The following MAT2A variants were observed in gnomAD, a reference collection of about 807,000 sequenced individuals.
The protein encoded by MAT2A is methionine adenosyltransferase 2A, also known as S-adenosylmethionine synthase isoform type-2.
In MAT2A, 3 loss-of-function variants were observed where a neutral mutation model predicts 43.9. That is an observed-to-expected ratio of 0.07 (90% confidence interval 0.03 to 0.18). The LOEUF (loss-of-function observed/expected upper bound fraction) is 0.18, where lower values mean the gene tolerates loss of function less well. MAT2A is among the 10% of genes least tolerant of loss of function. The probability of loss-of-function intolerance (pLI) is 1.00; values close to 1 mark genes in which losing one functional copy is unlikely to be tolerated. For missense variants in MAT2A, 204 were observed against 489.0 expected (o/e 0.42, Z 5.50); for synonymous variants, 200 against 168.4 (o/e 1.19, Z -1.45).
intron 5 of MAT2A, 44 bp downstream of exon 5, chr2:85,542,016 A>G: frequency 1.2e-6 from 2 of 1,601,930 alleles, no homozygotes; most frequent in South Asian, 2.2e-5. Flanking sequence ...TTATTACATC[A>G]GCACAGAAGA....
rs1691529837 is a variant in MAT2A at position 85,543,436 on chromosome 2, A to G, written c.1086-234A>G. ...TTTTTGACAATTGAAATTTCTCAGA[A>G]TAATGACAAGTTTTCGTATTTGTTG... On this transcript the variant is annotated intron_variant, in intron 8 of 8. Transcript: ENST00000306434. 1.5e-5 allele frequency: 7 copies of G among 456,658 alleles called. No individual in the cohort carries two copies. In the South Asian group the frequency reaches 2.6e-4, roughly 17 times the overall value. 28.3% of individuals were successfully genotyped at this position (456,658 alleles called of 1,614,324 possible).
At chr2:85,539,600 C>T (rs1691407103) in intron 1 of MAT2A, 2 of 427,572 alleles carry the variant, frequency 4.7e-6, no homozygotes, top group Non-Finnish European at 8.3e-6. Context: ...TCCCCCCTCC[C>T]TTTTCATTCG....
chr2:85,543,117 G>A (rs1404056248), intron 8 of MAT2A, 83 bp downstream of exon 8: 24 of 1,421,074 alleles, frequency 1.7e-5, no homozygotes, highest in Admixed American at 2.2e-5. Context: ...GGAGGTGAAG[G>A]TGTGAAGGAA....
At chr2:85,541,610 G>T in intron 3 of MAT2A, 23 bp from the exon 4 acceptor site, 1 of 1,547,570 alleles carries the variant, frequency 6.5e-7, no homozygotes, top group Non-Finnish European at 8.8e-7. Flanking sequence ...ACGTAAACAA[G>T]ATGTTGTGTT....
At chr2:85,542,858 G>C (rs1484290246) in intron 7 of MAT2A, 43 bp from the exon 8 acceptor site, 1 of 1,598,586 alleles carries the variant, frequency 6.3e-7, no homozygotes, top group South Asian at 1.1e-5. Context: ...AAGTATATGG[G>C]TCTTTGCAAT....
At chr2:85,540,324 T>C (rs1691441260) in intron 1 of MAT2A, among the ~76,000 whole-genome samples, 1 of 152,232 alleles carries the variant, frequency 6.6e-6, no homozygotes, top group Non-Finnish European at 1.5e-5. Context: ...CTGGTGGCTT[T>C]AGGGTCTGGT....
chr2:85,542,834 C>A, intron 7 of MAT2A, 67 bp from the exon 8 acceptor site: 1 of 1,570,678 alleles, frequency 6.4e-7, no homozygotes, highest in Non-Finnish European at 8.7e-7. Context: ...TTGTTTTATA[C>A]CAACGTATTA....
At position 85,544,961 on chromosome 2, in the gene MAT2A, C is replaced by T. The variant is rs1459993932; in HGVS notation, c.*1189C>T. On this transcript the variant is annotated 3_prime_UTR_variant, in exon 9 of 9. Coordinates refer to ENST00000306434, the MANE Select transcript of MAT2A (RefSeq NM_005911.6). Reference sequence around the variant, plus strand: ...AGATTTTTTTTTTTTCTCTCAACACCATGATTCCTTTAACAACATGTTTCC... The same window carrying T: ...AGATTTTTTTTTTTTCTCTCAACACTATGATTCCTTTAACAACATGTTTCC... 1 of 152,222 alleles carries T rather than the reference C, an allele frequency of 6.6e-6. No individual in the cohort carries two copies. The highest frequency in any genetic ancestry group is 2.4e-5 in the African/African-American group (1 of 41,294). 9.4% of individuals were successfully genotyped at this position (152,222 alleles called of 1,614,324 possible).
chr2:85,540,307 T>C (rs1691440068), intron 1 of MAT2A, among the ~76,000 whole-genome samples: 1 of 152,188 alleles, frequency 6.6e-6, no homozygotes, highest in South Asian at 2.1e-4. Flanking sequence ...CCGCAGTAGT[T>C]ATCTATCTGG....
At chr2:85,542,841 A>G in intron 7 of MAT2A, 60 bp from the exon 8 acceptor site, 2 of 1,581,482 alleles carry the variant, frequency 1.3e-6, no homozygotes, top group Non-Finnish European at 8.6e-7. Flanking sequence ...ATACCAACGT[A>G]TTATACAAGT....
chr2:85,541,045 AAG>A (rs1476250236), intron 1 of MAT2A, 36 bp from the exon 2 acceptor site: 1 of 1,476,832 alleles, frequency 6.8e-7, no homozygotes, highest in Non-Finnish European at 9.4e-7. Context: ...ACTTTGTTTA[AAG>A]TTAAAGAAAC....
intron 2 of MAT2A, 38 bp downstream of exon 2, chr2:85,541,198 A>C (rs781760771): frequency 6.2e-7 from 1 of 1,611,294 alleles, no homozygotes; most frequent in Non-Finnish European, 8.5e-7. Context: ...GTGGAAAGAT[A>C]GCATAAAAAT....
At chr2:85,539,544 C>G in intron 1 of MAT2A, 166 bp downstream of exon 1, 1 of 495,160 alleles carries the variant, frequency 2.0e-6, no homozygotes, top group East Asian at 3.7e-5. Context: ...CAGGGCCTGG[C>G]GCGTGGCCGC....
Position 85,541,682 on chromosome 2 carries a change from A to G in MAT2A, c.342A>G (p.Ser114=). The change falls in exon 4 of 9, where the codon TCA becomes TCG. Residue 114 remains serine (S), a synonymous_variant. Coordinates refer to ENST00000306434, the MANE Select transcript of MAT2A (RefSeq NM_005911.6). ...TGCTGGTAGCCTTGGAGCAACAGTC[A>G]CCAGATATTGCTCAAGGTGTTCATC... ...CNVLVALEQQ[S]PDIAQGVHLD... The G allele has an allele frequency of 1.2e-6, 2 of 1,614,010 alleles. No homozygotes were observed. The highest frequency in any genetic ancestry group is 1.7e-6 in the Non-Finnish European group (2 of 1,179,994).
intron 8 of MAT2A, 46 bp downstream of exon 8, chr2:85,543,080 G>C (rs1558798503): frequency 2.5e-6 from 4 of 1,598,618 alleles, no homozygotes; most frequent in East Asian, 2.2e-5. Context: ...GAGGGTGTTG[G>C]GTGTGTGTGT....
chr2:85,543,163 A>G, intron 8 of MAT2A, 129 bp downstream of exon 8: 4 of 1,038,204 alleles, frequency 3.9e-6, no homozygotes, highest in Non-Finnish European at 5.6e-6. Flanking sequence ...AATTCCTGGA[A>G]CAGTTTTGAA....
chr2:85,542,873 G>A (rs761189833), intron 7 of MAT2A, 28 bp from the exon 8 acceptor site: 67 of 1,604,198 alleles, frequency 4.2e-5, no homozygotes, highest in Non-Finnish European at 5.7e-5. Context: ...TGCAATCACT[G>A]ATTCTTACGA....
chr2:85,544,689 A>AGT lies in MAT2A; in HGVS notation c.*918_*919dup, dbSNP rs1037185525. 1 of 152,484 alleles carries AGT rather than the reference A, an allele frequency of 6.6e-6. No individual in the cohort carries two copies. Among genetic ancestry groups the AGT allele is most frequent in the Non-Finnish European group, 1.5e-5 (1 of 68,014 alleles). The allele number at this position is 152,484 out of a possible 1,614,324, so 9.4% of individuals were successfully genotyped here. A position where few individuals can be genotyped will look rare whatever the true frequency, so the allele number is the denominator to read the frequency against. ...TTTTTTTTCTTTATAAGAAAGCCTGAGTACTCCACACTGCACAATAACTCC... is the reference window on the plus strand; with the variant it reads ...TTTTTTTTCTTTATAAGAAAGCCTGAGTGTACTCCACACTGCACAATAACTCC... On this transcript the variant is annotated 3_prime_UTR_variant, in exon 9 of 9. Transcript: ENST00000306434.
Position 85,539,185 on chromosome 2 carries a change from C to T in MAT2A, c.-103C>T, listed in dbSNP as rs558509493. On this transcript the variant is annotated 5_prime_UTR_variant, in exon 1 of 9. Transcript: ENST00000306434. ...GCTGCTTCGTTCGCTCCGCGCCGCC[C>T]GCCTGCTACGAGTAGAACGCTGTCC... 2.3e-5 allele frequency: 19 copies of T among 826,812 alleles called. No individual in the cohort carries two copies. Among genetic ancestry groups the T allele is most frequent in the African/African-American group, 2.0e-4 (11 of 56,302 alleles). 51.2% of individuals were successfully genotyped at this position (826,812 alleles called of 1,614,324 possible). A position where few individuals can be genotyped will look rare whatever the true frequency, so the allele number is the denominator to read the frequency against.
Sources: allele counts gnomAD v4.1 joint callset (sites outside exome capture counted in the v4.1 genomes callset), GRCh38; gene constraint gnomAD v4.1.1; transcripts MANE v1.5; gene names NCBI Gene and HGNC (gene_info 2026-07-23, HGNC 2026-07-21).